MYH10: variants seen among roughly 807,000 people sequenced by gnomAD.
MYH10 encodes myosin-10.
A neutral mutation model predicts 257.8 loss-of-function variants in MYH10; 55 were observed. That is an observed-to-expected ratio of 0.21 (90% CI 0.17 to 0.27). The LOEUF is 0.27. Among genes scored for constraint, MYH10 ranks in the 10% least tolerant of loss-of-function variants. The pLI, the probability that MYH10 is intolerant of heterozygous loss-of-function variation, is 1.00. For synonymous variants in MYH10, 854 were observed against 921.7 expected (o/e 0.93, Z 1.33); for missense variants, 1,631 against 2,500.6 (o/e 0.65, Z 7.42).
In MYH10 at chr17:8,475,733, G is replaced by A. The variant is rs1269672023; in HGVS notation, c.*71C>T. 15 of 1,542,534 alleles carry A rather than the reference G, an allele frequency of 9.7e-6. No homozygotes were observed. The highest frequency in any genetic ancestry group is 3.7e-5 in the South Asian group (3 of 81,242). On this transcript the variant is annotated 3_prime_UTR_variant, in exon 43 of 43. Transcript: ENST00000360416. ...GGAATCCCGTAGCTTGCCAATTTCC[G>A]AAATCTGCAGGAGGCCCCGGGTGCA...
Position 8,623,072 on chromosome 17 carries a change from T to C in MYH10, c.175A>G (p.Met59Val), listed in dbSNP as rs1366200537. Residue 59 changes from methionine to valine, a missense_variant, in exon 2 of 43, where the codon ATG (methionine) becomes GTG (valine). Physicochemically the swap from Met to Val is conservative, Grantham distance 21. This residue lies in a region of MYH10 where 360 missense variants were observed against 581.9 expected (regional missense o/e 0.62). Transcript: ENST00000360416. ...SIKEERGDEV[M>V]VELAENGKKA... ...TTTCCATTCTCTGCCAACTCCACCATAACTTCATCTCCCCGTTCTTCTTTG... is the reference window on the plus strand; with the variant it reads ...TTTCCATTCTCTGCCAACTCCACCACAACTTCATCTCCCCGTTCTTCTTTG... The C allele has an allele frequency of 1.2e-6, 2 of 1,614,172 alleles. No homozygotes were observed. The highest frequency in any genetic ancestry group is 1.7e-6 in the Non-Finnish European group (2 of 1,180,042).
intron 2 of MYH10, among the ~76,000 whole-genome samples, chr17:8,621,161 T>C (rs1334822818): frequency 6.6e-6 from 1 of 152,184 alleles, no homozygotes; most frequent in Non-Finnish European, 1.5e-5. Context: ...ACTGCACAGT[T>C]TTTGATGGTG....
intron 17 of MYH10, among the ~76,000 whole-genome samples, chr17:8,524,449 C>CAAA (rs541255427): frequency 2.4e-4 from 15 of 62,158 alleles, no homozygotes; most frequent in African/African-American, 9.9e-4. Flanking sequence ...GACTCTGTCT[C>CAAA]AAAAAAAAAA....
rs1735479672 is a variant in MYH10, at chr17:8,490,778, C to T, written c.4672-226G>A. ...AACTACAGTGCGGATGTCTTTATTCCCACGTGTTCTCTGGTCATCCTCCTC... is the reference window on the plus strand; with the variant it reads ...AACTACAGTGCGGATGTCTTTATTCTCACGTGTTCTCTGGTCATCCTCCTC... On this transcript the variant is annotated intron_variant, in intron 34 of 42. Transcript: ENST00000360416. The surrounding 1 kb of genome is among the most constrained non-coding windows in gnomAD (Gnocchi z 4.1). Among the ~76,000 whole-genome samples the T allele has an allele frequency of 6.6e-6, 1 of 152,154 alleles. No homozygotes were observed. Among genetic ancestry groups the T allele is most frequent in the African/African-American group, 2.4e-5 (1 of 41,424 alleles).
chr17:8,616,340 T>A (rs969198987), intron 2 of MYH10, among the ~76,000 whole-genome samples: 1 of 152,034 alleles, frequency 6.6e-6, no homozygotes, highest in East Asian at 1.9e-4. Context: ...GTGGACAACA[T>A]GTGTGCTCAT....
intron 33 of MYH10, 62 bp from the exon 34 acceptor site, chr17:8,492,571 C>T (rs774902131): frequency 6.0e-6 from 9 of 1,506,748 alleles, no homozygotes; most frequent in African/African-American, 2.8e-5. Flanking sequence ...TTTTCTCTTC[C>T]ACCATGTGGC....
rs1336387130 is a variant in MYH10, at chr17:8,511,071, T to TATATATAC, written c.2953-1123_2953-1122insGTATATAT. The TATATATAC allele has an allele frequency of 2.1e-3, 170 of 82,066 alleles. 1 individual carries two copies. Among genetic ancestry groups the TATATATAC allele is most frequent in the East Asian group, 8.5e-3 (16 of 1,886 alleles). 5.1% of individuals were successfully genotyped at this position (82,066 alleles called of 1,614,324 possible). A position where few individuals can be genotyped will look rare whatever the true frequency, so the allele number is the denominator to read the frequency against. Reference sequence around the variant, plus strand: ...ATATATATATATATACACACATACATACATACACACACACACACTTAATAT... The same window carrying TATATATAC: ...ATATATATATATATACACACATACATATATATACACATACACACACACACACTTAATAT... On this transcript the variant is annotated intron_variant, in intron 24 of 42. Coordinates refer to ENST00000360416, the MANE Select transcript of MYH10 (RefSeq NM_001256012.3).
At chr17:8,588,084 G>C (rs1944074325) in intron 4 of MYH10, among the ~76,000 whole-genome samples, 1 of 151,998 alleles carries the variant, frequency 6.6e-6, no homozygotes, top group Admixed American at 6.5e-5. Context: ...GCCTCCTCAT[G>C]CCCCTATGAT....
Position 8,545,580 on chromosome 17 carries a change from T to C in MYH10, c.1299A>G (p.Ala433=), listed in dbSNP as rs751763657. The part of the protein sequence containing the change: ...TKEQADFAVE[A]LAKATYERLF... ...GCCGCTCATAGGTAGCTTTTGCCAA[T>C]GCTTCTACTGCAAAATCTGCCTGTA... The change falls in exon 13 of 43, where the codon GCA becomes GCG. Residue 433 remains alanine, a synonymous_variant. Transcript: ENST00000360416. The surrounding 1 kb of genome is among the most constrained non-coding windows in gnomAD (Gnocchi z 4.7). 8.1e-6 allele frequency: 13 copies of C among 1,610,852 alleles called. No homozygotes were observed. The highest frequency in any genetic ancestry group is 1.1e-5 in the Non-Finnish European group (13 of 1,179,222).
intron 14 of MYH10, among the ~76,000 whole-genome samples, chr17:8,539,699 C>T (rs761874333): frequency 1.8e-4 from 27 of 152,044 alleles, no homozygotes; most frequent in Non-Finnish European, 3.2e-4. Flanking sequence ...AGGATCCTCC[C>T]GCCTCAGCCT....
intron 14 of MYH10, 117 bp downstream of exon 14, chr17:8,541,990 A>T: frequency 9.6e-7 from 1 of 1,045,720 alleles, no homozygotes; most frequent in Non-Finnish European, 1.3e-6. Context: ...TAGAAAATTT[A>T]GATCAGAAAA....
chr17:8,560,693 T>C (rs763562935), intron 7 of MYH10: 108 of 677,676 alleles, frequency 1.6e-4, no homozygotes, highest in Non-Finnish European at 2.4e-4. Flanking sequence ...ACCATAATAA[T>C]GCCAGTCCAT....
At position 8,623,021 on chromosome 17, in the gene MYH10, T is replaced by C. The variant is rs148645531; in HGVS notation, c.226A>G (p.Ile76Val). 2.5e-3 allele frequency: 3,957 copies of C among 1,614,242 alleles called. 101 individuals are homozygous for C. The South Asian group carries it at 0.041, about 17-fold the overall frequency. ...GKKAMVNKDD[I>V]QKMNPPKFSK... ...AACTTAGGTGGGTTCATCTTCTGAA[T>C]ATCATCTTTGTTGACCATTGCTTTC... is the stretch of plus-strand genomic sequence containing the variant. The change falls in exon 2 of 43, where the codon ATT becomes GTT. Residue 76 changes from isoleucine to valine, a missense_variant. Ile to Val is a conservative substitution (Grantham distance 29). Transcript: ENST00000360416.
intron 16 of MYH10, 114 bp from the exon 17 acceptor site, chr17:8,530,799 G>T: frequency 1.3e-6 from 1 of 748,782 alleles, no homozygotes; most frequent in Non-Finnish European, 2.2e-6. Context: ...TACAAAAGGA[G>T]CTAGTCCAAG....
chr17:8,511,015 CATATATATATATATATATATATAT>C (rs56144668), intron 24 of MYH10: 3 of 120,546 alleles, frequency 2.5e-5, no homozygotes, highest in East Asian at 2.4e-4. Context: ...TCATGTACCC[CATATATATATATATATATATATAT>C]ATATATATAT....
In MYH10 at chr17:8,506,486, C is replaced by T. The variant is rs761751766; in HGVS notation, c.3218G>A (p.Arg1073His). 34 of 1,611,298 alleles carry T rather than the reference C, an allele frequency of 2.1e-5. No homozygotes were observed. The highest frequency in any genetic ancestry group is 2.5e-5 in the Non-Finnish European group (30 of 1,179,312). The change falls in exon 27 of 43, where the codon CGC (arginine) becomes CAC (histidine). Residue 1073 changes from arginine to histidine, a missense_variant. Physicochemically the swap from Arg to His is conservative, Grantham distance 29. Around this residue, in one of 11 missense-constraint regions of MYH10, gnomAD observed 169 missense variants for 249.8 expected, o/e 0.68. Transcript: ENST00000360416. This position sits in a 1 kb window ranked among gnomAD's most constrained non-coding sequence, Gnocchi z 5.0. ...ACGAGTCTTTTCTTCCTTCTTTAAGCGTTCTTTAAGGTAAGACATAAGAAG... is the reference window on the plus strand; with the variant it reads ...ACGAGTCTTTTCTTCCTTCTTTAAGTGTTCTTTAAGGTAAGACATAAGAAG... Reference protein sequence around the residue: ...QEVMISDLEERLKKEEKTRQE... With the variant: ...QEVMISDLEEHLKKEEKTRQE...
intron 7 of MYH10, among the ~76,000 whole-genome samples, chr17:8,556,949 T>G (rs1462785194): frequency 6.6e-6 from 1 of 152,182 alleles, no homozygotes; most frequent in Non-Finnish European, 1.5e-5. Flanking sequence ...ACTATAAACA[T>G]ATTAAGTTAA....
At chr17:8,482,886 G>A (rs12602294) in intron 37 of MYH10, among the ~76,000 whole-genome samples, 77,455 of 152,020 alleles carry the variant, frequency 0.51, 20,684 homozygotes, top group Middle Eastern at 0.62. Flanking sequence ...AGCATTTGGG[G>A]ATCTCACCAA....
rs2082120232 is a variant in MYH10 at position 8,535,608 on chromosome 17, A to C, written c.1780-107T>G. 8.0e-7 allele frequency: 1 copy of C among 1,246,290 alleles called. No individual in the cohort carries two copies. The highest frequency in any genetic ancestry group is 1.4e-5 in the South Asian group (1 of 70,800). 77.2% of individuals were successfully genotyped at this position (1,246,290 alleles called of 1,614,324 possible). On this transcript the variant is annotated intron_variant, in intron 15 of 42. Coordinates refer to ENST00000360416, the MANE Select transcript of MYH10 (RefSeq NM_001256012.3). The surrounding 1 kb of genome is among the most constrained non-coding windows in gnomAD (Gnocchi z 4.3). ...AGAAACTTTTATACAACAGTCCCCAAAATGGGCTGTCTGAAAGACAATATG... is the reference window on the plus strand; with the variant it reads ...AGAAACTTTTATACAACAGTCCCCACAATGGGCTGTCTGAAAGACAATATG...
Sources: gnomAD v4.1 joint callset for allele counts (sites outside exome capture counted in the v4.1 genomes callset) on GRCh38, gnomAD v4.1.1 for gene constraint, gnomAD v4.1.1 regional missense constraint, Gnocchi (gnomAD v3.1) non-coding constraint, MANE v1.5 for transcripts, NCBI Gene and HGNC (gene_info 2026-07-23, HGNC 2026-07-21) for gene names.